Variants in TNRC6B observed in about 807,000 individuals in gnomAD.
TNRC6B encodes the protein trinucleotide repeat containing adaptor 6B, also known as trinucleotide repeat-containing gene 6B protein.
In TNRC6B, 52 loss-of-function variants were observed where a neutral mutation model predicts 203.6. The ratio of observed to expected loss-of-function variants is 0.26; its 90% confidence interval spans 0.20 to 0.32. TNRC6B has a LOEUF of 0.32. Among genes scored for constraint, TNRC6B ranks in the 10% least tolerant of loss-of-function variants. TNRC6B has a pLI of 1.00. For synonymous variants in TNRC6B, 838 were observed against 845.7 expected (o/e 0.99, Z 0.16); for missense variants, 1,923 against 2,286.2 (o/e 0.84, Z 3.24).
intron 1 of TNRC6B, among the ~76,000 whole-genome samples, chr22:40,104,106 C>T (rs2068262246): frequency 6.6e-6 from 1 of 151,896 alleles, no homozygotes; most frequent in Non-Finnish European, 1.5e-5. Context: ...GAAAAATTAG[C>T]CAGGCGTGGT....
In TNRC6B at chr22:40,122,562, C is replaced by T. The variant is rs768900669; in HGVS notation, c.-46-3210C>T. Among the ~76,000 whole-genome samples the T allele has an allele frequency of 6.8e-4, 103 of 152,160 alleles. 1 individual carries two copies. Among genetic ancestry groups the T allele is most frequent in the Non-Finnish European group, 1.1e-3 (78 of 68,020 alleles). The stretch of plus-strand genomic sequence containing the variant: ...AAGGAAAAGACAGGGCTGAGCTCCA[C>T]CTACGTTGTTTCTCCTTCCAAACTC... On this transcript the variant is annotated intron_variant, in intron 2 of 23. Transcript: ENST00000301923.
At chr22:40,321,518 TG>T (rs1253911046) in intron 22 of TNRC6B, 1 of 309,290 alleles carries the variant, frequency 3.2e-6, no homozygotes. Flanking sequence ...CCGGGCACAG[TG>T]GCCCATGCCT....
chr22:40,296,289 G>T (rs1401656965), intron 12 of TNRC6B, among the ~76,000 whole-genome samples: 1 of 150,624 alleles, frequency 6.6e-6, no homozygotes, highest in East Asian at 1.9e-4. Context: ...TGGGAAAGAA[G>T]CACCCCTCCA....
chr22:40,130,919 T>TG (rs1476912853), intron 3 of TNRC6B, among the ~76,000 whole-genome samples: 11 of 151,176 alleles, frequency 7.3e-5, no homozygotes, highest in African/African-American at 2.7e-4. Context: ...TCTTTTTTTT[T>TG]GAGACAGAGT....
intron 3 of TNRC6B, among the ~76,000 whole-genome samples, chr22:40,131,120 G>C (rs1241157871): frequency 1.3e-5 from 2 of 151,846 alleles, no homozygotes; most frequent in Non-Finnish European, 2.9e-5. Context: ...CGGGGTTTCA[G>C]CGTGTTAGCC....
chr22:40,103,876 C>T (rs566272687), intron 1 of TNRC6B, among the ~76,000 whole-genome samples: 2 of 151,748 alleles, frequency 1.3e-5, no homozygotes, highest in African/African-American at 4.8e-5. Flanking sequence ...CTCCTGACCT[C>T]ACGTGATCTG....
intron 3 of TNRC6B, among the ~76,000 whole-genome samples, chr22:40,130,036 T>C (rs1035929616): frequency 2.0e-5 from 3 of 152,202 alleles, no homozygotes; most frequent in East Asian, 3.9e-4. Context: ...GTTATGACTA[T>C]AGTCCACCAC....
intron 1 of TNRC6B, among the ~76,000 whole-genome samples, chr22:40,194,161 A>G (rs2069307749): frequency 6.6e-6 from 1 of 152,232 alleles, no homozygotes; most frequent in South Asian, 2.1e-4. Flanking sequence ...AAATGGTCTG[A>G]AGAAAAGGAA....
intron 1 of TNRC6B, among the ~76,000 whole-genome samples, chr22:40,232,909 T>C (rs1000548005): frequency 1.6e-4 from 24 of 151,990 alleles, no homozygotes; most frequent in African/African-American, 5.6e-4. Flanking sequence ...CCCAGCACTT[T>C]AGGAGGCTGA....
intron 15 of TNRC6B, among the ~76,000 whole-genome samples, chr22:40,305,083 A>T (rs1305152652): frequency 6.6e-6 from 1 of 152,200 alleles, no homozygotes. Flanking sequence ...TTCCTCAAGG[A>T]TGTAAGAATG....
chr22:40,057,785 AGCT>A (rs2067812775), intron 1 of TNRC6B, among the ~76,000 whole-genome samples: 1 of 152,196 alleles, frequency 6.6e-6, no homozygotes, highest in East Asian at 1.9e-4. Context: ...AAGATGAAAC[AGCT>A]GCTCTCTGAG....
rs2070394102 is a variant in TNRC6B at position 40,262,036 on chromosome 22, G to A, written c.320G>A (p.Arg107His). Residue 107 changes from arginine to histidine, a missense_variant, in exon 4 of 23, where the codon CGT (arginine) becomes CAT (histidine). Transcript: ENST00000454349. The stretch of plus-strand genomic sequence containing the variant: ...CAGGACCACAAAGTGTTACTAAAAC[G>A]TGGGCAGCCCCCTCCACCGTCCTGC... Reference protein sequence around the residue: ...CQQDHKVLLKRGQPPPPSCML... With the variant: ...CQQDHKVLLKHGQPPPPSCML... 1.2e-6 allele frequency: 2 copies of A among 1,600,376 alleles called. No homozygotes were observed. The highest frequency in any genetic ancestry group is 1.7e-5 in the Admixed American group (1 of 58,340).
chr22:40,174,667 A>G (rs945933674), upstream of TNRC6B, among the ~76,000 whole-genome samples: 4 of 152,066 alleles, frequency 2.6e-5, no homozygotes, highest in African/African-American at 9.7e-5. Flanking sequence ...TACTACAAAT[A>G]CAAAAAAATT....
At chr22:40,258,071 C>CTTTATTTTTTTTTTT (rs2070309747) in intron 3 of TNRC6B, among the ~76,000 whole-genome samples, 1 of 28,700 alleles carries the variant, frequency 3.5e-5, no homozygotes, top group East Asian at 1.9e-3. Flanking sequence ...GATACACAGC[C>CTTTATTTTTTTTTTT]TTTTTTTTTT....
rs2071420106 is a variant in TNRC6B, at chr22:40,327,645, G to A, written c.*4404G>A. The A allele has an allele frequency of 1.3e-5, 2 of 152,120 alleles. No homozygotes were observed. Among genetic ancestry groups the A allele is most frequent in the Admixed American group, 6.5e-5 (1 of 15,270 alleles). 9.4% of individuals were successfully genotyped at this position (152,120 alleles called of 1,614,324 possible). A position where few individuals can be genotyped will look rare whatever the true frequency, so the allele number is the denominator to read the frequency against. On this transcript the variant is annotated 3_prime_UTR_variant, in exon 23 of 23. Transcript: ENST00000454349. ...AACAGGATATGGTGAGGATGTCATG[G>A]AAGAGAAGAGCTCTTTCCGTGGTAT... is the stretch of plus-strand genomic sequence containing the variant.
intron 3 of TNRC6B, among the ~76,000 whole-genome samples, chr22:40,130,895 G>A (rs914495430): frequency 1.3e-5 from 2 of 151,692 alleles, no homozygotes; most frequent in African/African-American, 2.4e-5. Flanking sequence ...GGATGGGCAG[G>A]GTTGGTATAG....
intron 1 of TNRC6B, among the ~76,000 whole-genome samples, chr22:40,054,892 C>T (rs1208268116): frequency 1.3e-5 from 2 of 149,740 alleles, no homozygotes; most frequent in African/African-American, 4.9e-5. Flanking sequence ...AAAAAATTAG[C>T]TGGTTGTAGT....
Position 40,207,418 on chromosome 22 carries a change from A to AATAT in TNRC6B, c.5+29301_5+29304dup, listed in dbSNP as rs55644816. Among the ~76,000 whole-genome samples the AATAT allele has an allele frequency of 1.0e-3, 133 of 128,844 alleles. 1 individual carries two copies. The highest frequency in any genetic ancestry group is 3.2e-3 in the East Asian group (15 of 4,696). The allele number at this position is 128,844 out of a possible 152,430, so 84.5% of individuals were successfully genotyped here. On this transcript the variant is annotated intron_variant, in intron 1 of 22. Transcript: ENST00000454349. ...TGAGACCCTGCCTCAAAAAAAAAAA[A>AATAT]ATATATATATATATATATATATATA...
chr22:40,221,544 G>C (rs1276764583), intron 1 of TNRC6B, among the ~76,000 whole-genome samples: 1 of 152,064 alleles, frequency 6.6e-6, no homozygotes, highest in East Asian at 1.9e-4. Flanking sequence ...GGCTCAAGTG[G>C]TCCTCCCACC....
Sources: allele counts gnomAD v4.1 joint callset (sites outside exome capture counted in the v4.1 genomes callset), GRCh38; gene constraint gnomAD v4.1.1; transcripts MANE v1.5; gene names NCBI Gene and HGNC (gene_info 2026-07-23, HGNC 2026-07-21).